The following ARHGAP15 variants were observed in gnomAD, a reference collection of about 807,000 sequenced individuals.
ARHGAP15 encodes the protein rho GTPase-activating protein 15.
A neutral mutation model predicts 63.7 loss-of-function variants in ARHGAP15; 51 were observed. That is an observed-to-expected ratio of 0.80 (90% CI 0.64 to 1.01). The LOEUF (loss-of-function observed/expected upper bound fraction) is 1.01, where lower values mean the gene tolerates loss of function less well. Among genes scored for constraint, ARHGAP15 ranks in the 50% least tolerant of loss-of-function variants. ARHGAP15 has a pLI of 0.00. For synonymous variants in ARHGAP15, 191 were observed against 193.8 expected (o/e 0.99, Z 0.12); for missense variants, 560 against 564.6 (o/e 0.99, Z 0.08).
Position 143,315,906 on chromosome 2 carries a change from G to A in ARHGAP15, c.474+65306G>A, listed in dbSNP as rs935051103. 2.0e-5 allele frequency among the ~76,000 whole-genome samples: 3 copies of A among 152,046 alleles called. No individual in the cohort carries two copies. The South Asian group carries it at 6.2e-4, about 32-fold the overall frequency. ...TCAAGATCAGCCTGGCCAACACGGT[G>A]AAACTGCGTCTGTACTAAAAATACA... On this transcript the variant is annotated intron_variant, in intron 6 of 13. Transcript: ENST00000295095.
chr2:143,214,820 A>G (rs868657209), intron 3 of ARHGAP15, among the ~76,000 whole-genome samples: 3 of 152,246 alleles, frequency 2.0e-5, no homozygotes, highest in Non-Finnish European at 2.9e-5. Context: ...ACTCTCACCT[A>G]TATCAGAGCA....
At chr2:143,160,916 T>C (rs1007651922) in intron 2 of ARHGAP15, among the ~76,000 whole-genome samples, 1 of 151,986 alleles carries the variant, frequency 6.6e-6, no homozygotes, top group Non-Finnish European at 1.5e-5. Context: ...CAACCACATA[T>C]GTGGCTGCAC....
intron 8 of ARHGAP15, among the ~76,000 whole-genome samples, chr2:143,455,583 T>C (rs1165686420): frequency 6.6e-6 from 1 of 152,134 alleles, no homozygotes; most frequent in Non-Finnish European, 1.5e-5. Flanking sequence ...TTTAGGTAGC[T>C]ATTTCCCATT....
intron 6 of ARHGAP15, among the ~76,000 whole-genome samples, chr2:143,345,480 C>A (rs1249798285): frequency 6.6e-6 from 1 of 152,074 alleles, no homozygotes; most frequent in Non-Finnish European, 1.5e-5. Context: ...CCACCCCAAC[C>A]CCTAAAATAT....
intron 9 of ARHGAP15, among the ~76,000 whole-genome samples, chr2:143,509,671 G>A (rs1156998908): frequency 1.3e-5 from 2 of 152,072 alleles, no homozygotes; most frequent in African/African-American, 4.8e-5. Context: ...GGCTCATGTC[G>A]TGAGCATTTT....
chr2:143,347,497 T>A (rs1685348965), intron 6 of ARHGAP15, among the ~76,000 whole-genome samples: 1 of 152,156 alleles, frequency 6.6e-6, no homozygotes, highest in South Asian at 2.1e-4. Flanking sequence ...CAGCTGCACC[T>A]GCCTCTATGC....
In ARHGAP15 at chr2:143,136,954, G is replaced by A. The variant is rs114055834; in HGVS notation, c.-15+7488G>A. The stretch of plus-strand genomic sequence containing the variant: ...TCTTTCCACTTCCACTGCTGTTATT[G>A]CAGAATTCTCCTGACTCTCCTCCCT... On this transcript the variant is annotated intron_variant, in intron 1 of 13. Transcript: ENST00000295095. 8.5e-3 allele frequency among the ~76,000 whole-genome samples: 1,295 copies of A among 152,066 alleles called. 23 individuals carry two copies. The highest frequency in any genetic ancestry group is 0.028 in the African/African-American group (1,149 of 41,514).
intron 11 of ARHGAP15, among the ~76,000 whole-genome samples, chr2:143,602,637 A>G (rs1697818915): frequency 6.6e-6 from 1 of 152,074 alleles, no homozygotes; most frequent in Middle Eastern, 3.2e-3. Context: ...AATGGGAGAA[A>G]AAGCAAAGAA....
rs147389995 is a variant in ARHGAP15 at position 143,625,267 on chromosome 2, G to A, written c.1138+1000G>A. Among the ~76,000 whole-genome samples the A allele has an allele frequency of 1.2e-3, 179 of 152,228 alleles. 1 individual carries two copies. The highest frequency in any genetic ancestry group is 3.7e-3 in the African/African-American group (152 of 41,534). ...GATCTTGGATGGCTGGGTATGAAGTGTTCCCATTAGCACAAGTGGAGATTT... is the reference window on the plus strand; with the variant it reads ...GATCTTGGATGGCTGGGTATGAAGTATTCCCATTAGCACAAGTGGAGATTT... On this transcript the variant is annotated intron_variant, in intron 12 of 13. Coordinates refer to ENST00000295095, the MANE Select transcript of ARHGAP15 (RefSeq NM_018460.4).
At chr2:143,537,101 G>T (rs1029411868) in intron 10 of ARHGAP15, among the ~76,000 whole-genome samples, 2 of 152,150 alleles carry the variant, frequency 1.3e-5, no homozygotes, top group African/African-American at 2.4e-5. Context: ...TTGTGGTTTT[G>T]ATTTGCATTT....
At chr2:143,161,512 ATAT>A (rs537211670) in intron 2 of ARHGAP15, among the ~76,000 whole-genome samples, 10 of 151,880 alleles carry the variant, frequency 6.6e-5, no homozygotes, top group Admixed American at 6.6e-5. Flanking sequence ...CTGACAACTA[ATAT>A]TATGGTAAAT....
intron 11 of ARHGAP15, among the ~76,000 whole-genome samples, chr2:143,568,688 A>G (rs1264981856): frequency 6.6e-6 from 1 of 152,218 alleles, no homozygotes; most frequent in Non-Finnish European, 1.5e-5. Flanking sequence ...ATTATAAATC[A>G]TGTTACTATA....
chr2:143,520,834 T>C (rs984909058), intron 10 of ARHGAP15, among the ~76,000 whole-genome samples: 6 of 152,110 alleles, frequency 3.9e-5, no homozygotes, highest in African/African-American at 1.2e-4. Flanking sequence ...AAATAGGGCG[T>C]TGGGGAAGCA....
At chr2:143,174,018 A>T (rs2105054641) in intron 2 of ARHGAP15, among the ~76,000 whole-genome samples, 1 of 152,104 alleles carries the variant, frequency 6.6e-6, no homozygotes, top group African/African-American at 2.4e-5. Flanking sequence ...GAACGATGTG[A>T]TTGTGGCGAC....
At chr2:143,659,954 G>A (rs1681666588) in intron 12 of ARHGAP15, among the ~76,000 whole-genome samples, 1 of 152,096 alleles carries the variant, frequency 6.6e-6, no homozygotes, top group African/African-American at 2.4e-5. Flanking sequence ...AAACATGCTA[G>A]AAGTAGCCAC....
intron 6 of ARHGAP15, among the ~76,000 whole-genome samples, chr2:143,302,180 G>A (rs1682936942): frequency 2.6e-5 from 4 of 151,796 alleles, no homozygotes; most frequent in Non-Finnish European, 5.9e-5. Flanking sequence ...AATATCAGAT[G>A]TCTATAGATT....
intron 6 of ARHGAP15, among the ~76,000 whole-genome samples, chr2:143,284,871 A>G (rs1388953227): frequency 6.6e-6 from 1 of 152,226 alleles, no homozygotes; most frequent in African/African-American, 2.4e-5. Context: ...TAAGAGTGGT[A>G]GATTTCAATG....
At chr2:143,263,508 G>T (rs942061370) in intron 6 of ARHGAP15, among the ~76,000 whole-genome samples, 1 of 152,118 alleles carries the variant, frequency 6.6e-6, no homozygotes, top group African/African-American at 2.4e-5. Context: ...TGTTGAGTGT[G>T]TGCAGCATCT....
intron 11 of ARHGAP15, among the ~76,000 whole-genome samples, chr2:143,560,962 C>T: frequency 6.6e-6 from 1 of 152,178 alleles, no homozygotes; most frequent in East Asian, 1.9e-4. Flanking sequence ...GAAGGCATCC[C>T]CAAAGAAAAC....
Sources: gnomAD v4.1 joint callset for allele counts (sites outside exome capture counted in the v4.1 genomes callset) on GRCh38, gnomAD v4.1.1 for gene constraint, MANE v1.5 for transcripts, NCBI Gene and HGNC (gene_info 2026-07-23, HGNC 2026-07-21) for gene names.